The following SAE1 variants were observed in gnomAD, a reference collection of about 807,000 sequenced individuals.
SAE1 encodes the protein SUMO-activating enzyme subunit 1.
SAE1 carries 11 observed loss-of-function variants against 40.6 expected under a neutral mutation model. The observed-to-expected ratio is 0.27, with a 90% CI of 0.17 to 0.45. SAE1 has a LOEUF of 0.45. Ranked by LOEUF, SAE1 falls within the 20% of genes least tolerant of loss-of-function variation. SAE1 has a pLI of 1.00. For synonymous variants in SAE1, 155 were observed against 154.3 expected, an observed-to-expected ratio of 1.00 and a Z score of -0.03; for missense variants, 373 against 427.3, an observed-to-expected ratio of 0.87 and a Z score of 1.12.
chr19:47,181,098 C>T (rs1355234365), intron 6 of SAE1, among the ~76,000 whole-genome samples: 2 of 152,100 alleles, frequency 1.3e-5, no homozygotes, highest in Admixed American at 6.6e-5. Context: ...AGGTGGATCA[C>T]CTGAGGTCGG....
chr19:47,201,014 T>C (rs2058650671), intron 7 of SAE1, among the ~76,000 whole-genome samples: 1 of 151,762 alleles, frequency 6.6e-6, no homozygotes, highest in African/African-American at 2.4e-5. Context: ...TACGCCACCA[T>C]GCCCAGCTAT....
rs568245688 is a variant in SAE1 at position 47,164,413 on chromosome 19, C to T, written c.628-5405C>T. ...CCATCTGCTGACCTCGTGATCCGCC[C>T]GCCTTGGCCTCCCAAAGTGCTGGGA... On this transcript the variant is annotated intron_variant, in intron 5 of 8. Transcript: ENST00000270225. Among the ~76,000 whole-genome samples the T allele has an allele frequency of 5.3e-5, 8 of 151,756 alleles. No homozygotes were observed. In the South Asian group the frequency reaches 1.0e-3, roughly 20 times the overall value.
At chr19:47,160,128 C>T (rs2058349792) in intron 5 of SAE1, among the ~76,000 whole-genome samples, 1 of 151,100 alleles carries the variant, frequency 6.6e-6, no homozygotes, top group South Asian at 2.1e-4. Flanking sequence ...CCAAAGAAGA[C>T]AATAGACTTG....
At chr19:47,151,061 A>G (rs1470496714) in intron 3 of SAE1, among the ~76,000 whole-genome samples, 2 of 152,172 alleles carry the variant, frequency 1.3e-5, no homozygotes, top group Non-Finnish European at 2.9e-5. Context: ...AATGTGAAAT[A>G]GTCATAGATG....
intron 6 of SAE1, among the ~76,000 whole-genome samples, chr19:47,174,294 T>C (rs959435285): frequency 3.3e-5 from 5 of 150,850 alleles, no homozygotes; most frequent in African/African-American, 1.2e-4. Context: ...TTCTTTTTTC[T>C]TTTTCTTTTT....
intron 7 of SAE1, among the ~76,000 whole-genome samples, chr19:47,199,776 CACTT>C (rs1179589816): frequency 6.6e-6 from 1 of 152,162 alleles, no homozygotes; most frequent in African/African-American, 2.4e-5. Context: ...GCAGAGGAAA[CACTT>C]GCTTCTCACA....
intron 5 of SAE1, 107 bp from the exon 6 acceptor site, chr19:47,169,711 C>A: frequency 1.3e-6 from 1 of 769,846 alleles, no homozygotes. Context: ...TTTTAATGGT[C>A]AGTAAACTTT....
At chr19:47,137,876 G>A (rs576160750) in intron 1 of SAE1, among the ~76,000 whole-genome samples, 1 of 150,570 alleles carries the variant, frequency 6.6e-6, no homozygotes, top group African/African-American at 2.4e-5. Context: ...TTACAGGCGC[G>A]TGCCACCACA....
intron 4 of SAE1, among the ~76,000 whole-genome samples, chr19:47,154,484 T>A (rs1387542697): frequency 1.2e-5 from 1 of 82,216 alleles, no homozygotes; most frequent in Admixed American, 1.3e-4. Flanking sequence ...GTTTGGCTTT[T>A]TTTTTTTTTT....
At chr19:47,159,851 A>G (rs958229774) in intron 5 of SAE1, among the ~76,000 whole-genome samples, 1 of 151,724 alleles carries the variant, frequency 6.6e-6, no homozygotes, top group Admixed American at 6.6e-5. Flanking sequence ...GTGCCACCAC[A>G]CTCGACTGGT....
At chr19:47,180,600 T>G (rs940512414) in intron 6 of SAE1, among the ~76,000 whole-genome samples, 4 of 152,066 alleles carry the variant, frequency 2.6e-5, no homozygotes, top group African/African-American at 9.7e-5. Flanking sequence ...GGCAAATTGA[T>G]CACTTGCACC....
intron 6 of SAE1, among the ~76,000 whole-genome samples, chr19:47,189,819 C>T (rs979394551): frequency 6.6e-6 from 1 of 152,068 alleles, no homozygotes; most frequent in East Asian, 1.9e-4. Flanking sequence ...ATTCGGTGGC[C>T]TTGGTGATTA....
intron 3 of SAE1, among the ~76,000 whole-genome samples, chr19:47,151,003 TTC>T: frequency 6.6e-6 from 1 of 152,158 alleles, no homozygotes; most frequent in Non-Finnish European, 1.5e-5. Context: ...TCTGCAACCT[TTC>T]AGACATAGTT....
chr19:47,188,386 G>A (rs1184092064), intron 6 of SAE1, among the ~76,000 whole-genome samples: 2 of 152,104 alleles, frequency 1.3e-5, no homozygotes, highest in East Asian at 3.9e-4. Flanking sequence ...CAAACTGTGA[G>A]TAAGGTATCT....
chr19:47,136,765 C>T (rs568610746), intron 1 of SAE1, among the ~76,000 whole-genome samples: 3 of 152,196 alleles, frequency 2.0e-5, no homozygotes, highest in Non-Finnish European at 4.4e-5. Flanking sequence ...GCTGGGATTA[C>T]AGGCATGAGC....
intron 5 of SAE1, among the ~76,000 whole-genome samples, chr19:47,157,702 T>C (rs2058332465): frequency 6.6e-6 from 1 of 152,196 alleles, no homozygotes; most frequent in Admixed American, 6.5e-5. Flanking sequence ...GTGCAGCCTC[T>C]TCCTACGTGG....
chr19:47,181,690 G>T (rs572025651), intron 6 of SAE1, among the ~76,000 whole-genome samples: 12 of 150,666 alleles, frequency 8.0e-5, no homozygotes, highest in Non-Finnish European at 1.6e-4. Context: ...TGTTAGCCAG[G>T]CTGGTCTCGA....
intron 6 of SAE1, among the ~76,000 whole-genome samples, 162 bp from the exon 7 acceptor site, chr19:47,197,071 C>G (rs1298832611): frequency 1.3e-5 from 2 of 151,962 alleles, no homozygotes; most frequent in Non-Finnish European, 2.9e-5. Context: ...GTCCTAGCTA[C>G]TCAGGAGGCT....
intron 6 of SAE1, among the ~76,000 whole-genome samples, chr19:47,182,205 T>C (rs1600194913): frequency 6.6e-6 from 1 of 152,280 alleles, no homozygotes; most frequent in South Asian, 2.1e-4. Flanking sequence ...CTGGATTTGG[T>C]GATTAGTTCT....
Sources: allele counts gnomAD v4.1 joint callset (sites outside exome capture counted in the v4.1 genomes callset), GRCh38; gene constraint gnomAD v4.1.1; transcripts MANE v1.5; gene names NCBI Gene and HGNC (gene_info 2026-07-23, HGNC 2026-07-21).